The following DIP2C variants were observed in gnomAD, a reference collection of about 807,000 sequenced individuals.
DIP2C encodes DIP2 acetate--CoA ligase C (putative).
A neutral mutation model predicts 192.4 loss-of-function variants in DIP2C; 33 were observed. The ratio of observed to expected loss-of-function variants is 0.17; its 90% CI spans 0.13 to 0.23. DIP2C has a LOEUF of 0.23. DIP2C is among the 10% of genes least tolerant of loss of function. The pLI, the probability that DIP2C is intolerant of heterozygous loss-of-function variation, is 1.00. For missense variants in DIP2C, 1,537 were observed against 2,110.1 expected, an observed-to-expected ratio of 0.73 and a Z score of 5.32; for synonymous variants, 979 against 864.1, an observed-to-expected ratio of 1.13 and a Z score of -2.33.
chr10:535,319 G>A (rs1466263870), intron 1 of DIP2C, among the ~76,000 whole-genome samples: 1 of 151,724 alleles, frequency 6.6e-6, no homozygotes, highest in Non-Finnish European at 1.5e-5. Context: ...CGAGAGGGGC[G>A]CTGTGGAAAC....
intron 1 of DIP2C, among the ~76,000 whole-genome samples, chr10:591,494 G>C (rs80344308): frequency 0.01 from 1,529 of 152,256 alleles, 13 homozygotes; most frequent in Non-Finnish European, 0.013. Flanking sequence ...CAGTTATATG[G>C]CTATATTTTT....
chr10:512,535 G>C (rs1306767109), intron 1 of DIP2C, among the ~76,000 whole-genome samples: 1 of 152,148 alleles, frequency 6.6e-6, no homozygotes, highest in African/African-American at 2.4e-5. Context: ...AGTCAGCCAA[G>C]ATTTGCGTTG....
chr10:287,758 CAG>C (rs1456593892), intron 33 of DIP2C, among the ~76,000 whole-genome samples: 1 of 148,938 alleles, frequency 6.7e-6, no homozygotes, highest in African/African-American at 2.5e-5. Flanking sequence ...AAAACAAAAA[CAG>C]AAACAAAAAA....
chr10:676,694 GA>G (rs1830889080), intron 1 of DIP2C, among the ~76,000 whole-genome samples: 1 of 152,034 alleles, frequency 6.6e-6, no homozygotes, highest in Non-Finnish European at 1.5e-5. Flanking sequence ...AAATACCTCA[GA>G]AGAAATCTAA....
At chr10:520,455 T>A (rs4880704) in intron 1 of DIP2C, among the ~76,000 whole-genome samples, 2 of 152,170 alleles carry the variant, frequency 1.3e-5, no homozygotes, top group Non-Finnish European at 2.9e-5. Context: ...AAATTCTATA[T>A]CCACTGGCTT....
At chr10:579,050 A>G (rs865885554) in intron 1 of DIP2C, among the ~76,000 whole-genome samples, 3 of 152,078 alleles carry the variant, frequency 2.0e-5, no homozygotes, top group Non-Finnish European at 2.9e-5. Context: ...GTGTACAAAC[A>G]TAAGTGCACA....
In DIP2C at chr10:363,233, T is replaced by C; in HGVS notation, c.2556A>G (p.Glu852=). The change falls in exon 21 of 37, where the codon GAA becomes GAG. Residue 852 remains glutamate, a synonymous_variant. Coordinates refer to ENST00000280886, the MANE Select transcript of DIP2C (RefSeq NM_014974.3). This position sits in a 1 kb window ranked among gnomAD's most constrained non-coding sequence, Gnocchi z 5.4. The part of the protein sequence containing the change: ...IVAEQRPDST[E]EDSFQWMSRV... ...GGCTCATCCACTGGAAACTGTCCTCTTCCGTGGAGTCAGGCCTCTGCTCAG... is the reference window on the plus strand; with the variant it reads ...GGCTCATCCACTGGAAACTGTCCTCCTCCGTGGAGTCAGGCCTCTGCTCAG... The C allele has an allele frequency of 6.2e-7, 1 of 1,613,592 alleles. No homozygotes were observed. Among genetic ancestry groups the C allele is most frequent in the Non-Finnish European group, 8.5e-7 (1 of 1,179,986 alleles).
In DIP2C at chr10:332,323, C is replaced by A. The variant is rs914234034; in HGVS notation, c.3585-2722G>T. On this transcript the variant is annotated intron_variant, in intron 29 of 36. Transcript: ENST00000280886. ...TGTCAGCACACAACGGGCTTGGGAA[C>A]CCAGTGTGAATTCCTGGCCAGAGAA... Among the ~76,000 whole-genome samples the A allele has an allele frequency of 2.6e-5, 4 of 152,302 alleles. No individual in the cohort carries two copies. The South Asian group carries it at 6.2e-4, about 24-fold the overall frequency.
At chr10:438,495 A>ATT (rs58338949) in intron 4 of DIP2C, among the ~76,000 whole-genome samples, 10 of 147,250 alleles carry the variant, frequency 6.8e-5, no homozygotes, top group African/African-American at 1.7e-4. Flanking sequence ...AGGATTAAGC[A>ATT]TTTTTTTTTT....
chr10:513,031 A>G (rs2130781289), intron 1 of DIP2C, among the ~76,000 whole-genome samples: 1 of 152,286 alleles, frequency 6.6e-6, no homozygotes, highest in African/African-American at 2.4e-5. Flanking sequence ...GGGGCCCTAA[A>G]GTATTCAAGA....
intron 1 of DIP2C, among the ~76,000 whole-genome samples, chr10:505,289 T>G (rs1297535973): frequency 6.6e-6 from 1 of 151,744 alleles, no homozygotes; most frequent in African/African-American, 2.4e-5. Context: ...TATACAGATA[T>G]ACACGCAGGA....
chr10:426,259 A>T (rs1966591054), intron 4 of DIP2C, among the ~76,000 whole-genome samples: 1 of 152,226 alleles, frequency 6.6e-6, no homozygotes. Flanking sequence ...CATCAAAAAC[A>T]TAAAACACTC....
chr10:383,918 A>G, intron 16 of DIP2C, 109 bp downstream of exon 16: 1 of 1,356,538 alleles, frequency 7.4e-7, no homozygotes, highest in Non-Finnish European at 9.5e-7. Context: ...AAAGAATGAA[A>G]CCTGGGGAAA....
chr10:580,846 G>A (rs933776608), intron 1 of DIP2C, among the ~76,000 whole-genome samples: 10 of 152,216 alleles, frequency 6.6e-5, no homozygotes, highest in African/African-American at 2.4e-4. Flanking sequence ...CTTTCTGTCA[G>A]AGCTCTGGCT....
At chr10:483,809 C>T (rs998729742) in intron 2 of DIP2C, among the ~76,000 whole-genome samples, 1 of 151,904 alleles carries the variant, frequency 6.6e-6, no homozygotes, top group African/African-American at 2.4e-5. Flanking sequence ...GCCTCTATGA[C>T]TTCATTTTAC....
chr10:580,541 G>C (rs185352316), intron 1 of DIP2C, among the ~76,000 whole-genome samples: 80 of 152,254 alleles, frequency 5.3e-4, no homozygotes, highest in Admixed American at 3.7e-3. Flanking sequence ...ACATGTACAT[G>C]CATGCCCATA....
intron 1 of DIP2C, among the ~76,000 whole-genome samples, chr10:512,311 C>A (rs1364176056): frequency 6.6e-6 from 1 of 152,174 alleles, no homozygotes; most frequent in Admixed American, 6.5e-5. Flanking sequence ...GTAATCCCAG[C>A]AGTTTGGGAG....
At chr10:516,339 C>T (rs59732378) in intron 1 of DIP2C, among the ~76,000 whole-genome samples, 37 of 486 alleles carry the variant, frequency 0.076, 5 homozygotes, top group Middle Eastern at 0.25. Context: ...GTATGGGAGG[C>T]GGGGGAGAGG....
chr10:279,741 G>T (rs1213775923), intron 36 of DIP2C, among the ~76,000 whole-genome samples: 1 of 152,224 alleles, frequency 6.6e-6, no homozygotes, highest in African/African-American at 2.4e-5. Flanking sequence ...AGGACACTGT[G>T]TGGGCAAGGG....
Sources: allele counts gnomAD v4.1 joint callset (sites outside exome capture counted in the v4.1 genomes callset), GRCh38; gene constraint gnomAD v4.1.1; non-coding constraint Gnocchi (gnomAD v3.1); transcripts MANE v1.5; gene names NCBI Gene and HGNC (gene_info 2026-07-23, HGNC 2026-07-21).